SH3RF1: variants seen among roughly 807,000 people sequenced by gnomAD.
The protein encoded by SH3RF1 is E3 ubiquitin-protein ligase SH3RF1.
SH3RF1 carries 32 observed loss-of-function variants against 74.0 expected under a neutral mutation model. That is an observed-to-expected ratio of 0.43 (90% CI 0.33 to 0.58). The LOEUF (loss-of-function observed/expected upper bound fraction) is 0.58, where lower values mean the gene tolerates loss of function less well. Among genes scored for constraint, SH3RF1 ranks in the 20% least tolerant of loss-of-function variants. The probability of loss-of-function intolerance (pLI) is 0.05; values close to 1 mark genes in which losing one functional copy is unlikely to be tolerated. For synonymous variants in SH3RF1, 396 were observed against 439.6 expected, an observed-to-expected ratio of 0.90 and a Z score of 1.24; for missense variants, 954 against 1,130.9, an observed-to-expected ratio of 0.84 and a Z score of 2.24.
intron 2 of SH3RF1, among the ~76,000 whole-genome samples, chr4:169,185,899 G>T (rs1205939036): frequency 2.0e-5 from 3 of 152,126 alleles, no homozygotes; most frequent in South Asian, 2.1e-4. Flanking sequence ...GGGGAGGCAG[G>T]ATTCCAAGAC....
chr4:169,205,562 G>A (rs942747061), intron 2 of SH3RF1, among the ~76,000 whole-genome samples: 1 of 152,152 alleles, frequency 6.6e-6, no homozygotes, highest in African/African-American at 2.4e-5. Context: ...GCAGCACTGA[G>A]CATATCCTTC....
chr4:169,097,928 T>C (rs1451908021), intron 11 of SH3RF1, among the ~76,000 whole-genome samples: 1 of 152,198 alleles, frequency 6.6e-6, no homozygotes, highest in Non-Finnish European at 1.5e-5. Flanking sequence ...AGGAAACACA[T>C]GGTAAGGCAC....
chr4:169,112,197 G>A (rs1413978183), intron 10 of SH3RF1, among the ~76,000 whole-genome samples: 6 of 152,044 alleles, frequency 3.9e-5, no homozygotes, highest in Admixed American at 3.9e-4. Context: ...TAATGAGGGC[G>A]TTATCAAATA....
At chr4:169,169,971 C>T (rs1422712418) in intron 2 of SH3RF1, among the ~76,000 whole-genome samples, 6 of 151,814 alleles carry the variant, frequency 4.0e-5, no homozygotes, top group South Asian at 2.1e-4. Context: ...CTCCATTATT[C>T]GACTGTGCAA....
In SH3RF1 at chr4:169,268,231, C is replaced by A. The variant is rs186954950; in HGVS notation, c.393+589G>T. ...ATTCACTATAAAGCCCAACATAAAG[C>A]TAGATGTTTTAGTGTAGTCCTAAGT... is the stretch of plus-strand genomic sequence containing the variant. On this transcript the variant is annotated intron_variant, in intron 2 of 11. Transcript: ENST00000284637. Among the ~76,000 whole-genome samples the A allele has an allele frequency of 2.3e-4, 35 of 152,240 alleles. 1 individual carries two copies. Among genetic ancestry groups the A allele is most frequent in the Admixed American group, 2.1e-3 (32 of 15,302 alleles).
In SH3RF1 at chr4:169,096,357, T is replaced by C. The variant is rs2706747; in HGVS notation, c.*162A>G. ...AAAACCCACACAAACATCTTCTTCA[T>C]TCTGCTCGCTGGGGTAACTGTGCTG... On this transcript the variant is annotated 3_prime_UTR_variant, in exon 12 of 12. Transcript: ENST00000284637. 676,079 of 686,802 alleles carry C rather than the reference T, an allele frequency of 0.98. 333,508 individuals are homozygous for C. The highest frequency in any genetic ancestry group is 1 in the East Asian group (37,010 of 37,010). The allele number at this position is 686,802 out of a possible 1,614,324, so 42.5% of individuals were successfully genotyped here. A position where few individuals can be genotyped will look rare whatever the true frequency, so the allele number is the denominator to read the frequency against.
At chr4:169,151,397 G>A (rs1301403854) in intron 4 of SH3RF1, among the ~76,000 whole-genome samples, 1 of 152,158 alleles carries the variant, frequency 6.6e-6, no homozygotes, top group East Asian at 1.9e-4. Flanking sequence ...AGTATCACTG[G>A]AACTTATTAT....
At chr4:169,207,795 A>G (rs1469039958) in intron 2 of SH3RF1, among the ~76,000 whole-genome samples, 1 of 152,196 alleles carries the variant, frequency 6.6e-6, no homozygotes, top group African/African-American at 2.4e-5. Flanking sequence ...CTACTATGTC[A>G]AAAGCCAAGA....
intron 4 of SH3RF1, among the ~76,000 whole-genome samples, chr4:169,149,776 GCTAT>G (rs1733947732): frequency 1.3e-5 from 2 of 152,208 alleles, no homozygotes; most frequent in South Asian, 4.1e-4. Context: ...TATAAATGAT[GCTAT>G]CTTTTTATAT....
At chr4:169,214,609 TGTA>T (rs1445148688) in intron 2 of SH3RF1, among the ~76,000 whole-genome samples, 1 of 152,252 alleles carries the variant, frequency 6.6e-6, no homozygotes, top group East Asian at 1.9e-4. Context: ...ATCGGATTTT[TGTA>T]GTTTTCCTTG....
At chr4:169,203,488 T>C (rs1341145898) in intron 2 of SH3RF1, among the ~76,000 whole-genome samples, 2 of 151,270 alleles carry the variant, frequency 1.3e-5, no homozygotes, top group Non-Finnish European at 2.9e-5. Flanking sequence ...GAGGCAGAGG[T>C]TGCAGTGAGC....
At chr4:169,106,550 C>T (rs750115352) in intron 11 of SH3RF1, among the ~76,000 whole-genome samples, 15 of 151,360 alleles carry the variant, frequency 9.9e-5, no homozygotes, top group Non-Finnish European at 1.9e-4. Flanking sequence ...GAAGTAAATC[C>T]ATGAACAGTT....
At chr4:169,194,020 G>A (rs2706740) in intron 2 of SH3RF1, among the ~76,000 whole-genome samples, 71,295 of 151,880 alleles carry the variant, frequency 0.47, 18,001 homozygotes, top group East Asian at 0.78. Flanking sequence ...GTAAAAAGGG[G>A]CTAGCCTACT....
At chr4:169,254,303 C>T (rs998125355) in intron 2 of SH3RF1, among the ~76,000 whole-genome samples, 20 of 152,140 alleles carry the variant, frequency 1.3e-4, no homozygotes, top group Non-Finnish European at 2.9e-4. Flanking sequence ...AAAAGAGCTC[C>T]TGATCTCAAG....
intron 2 of SH3RF1, among the ~76,000 whole-genome samples, chr4:169,224,125 C>T (rs1191641898): frequency 2.0e-5 from 3 of 152,156 alleles, no homozygotes; most frequent in Non-Finnish European, 2.9e-5. Flanking sequence ...TTAGAAGCTC[C>T]ACTAATTTCT....
rs1353776063 is a variant in SH3RF1, at chr4:169,116,419, T to G, written c.1989A>C (p.Pro663=). The change falls in exon 10 of 12, where the codon CCA becomes CCC. Residue 663 remains proline, a synonymous_variant. Transcript: ENST00000284637. ...CACTGGTGATGCTTGGGGAAGTCAG[T>G]GGAGCAGCTGCTGCACAGGCCAGAG... ...SAPLACAAAA[P]LTSPSITSAS... is the part of the protein sequence containing the mutation. 6.2e-7 allele frequency: 1 copy of G among 1,614,094 alleles called. No individual in the cohort carries two copies. The highest frequency in any genetic ancestry group is 1.7e-5 in the Admixed American group (1 of 60,016).
At chr4:169,127,043 C>T (rs1561030808) in intron 6 of SH3RF1, among the ~76,000 whole-genome samples, 1 of 152,210 alleles carries the variant, frequency 6.6e-6, no homozygotes, top group East Asian at 1.9e-4. Context: ...TTTTAAAAGG[C>T]CTTCTGCCAT....
Position 169,107,019 on chromosome 4 carries a change from C to G in SH3RF1, c.2326G>C (p.Asp776His). 1 of 1,613,934 alleles carries G rather than the reference C, an allele frequency of 6.2e-7. No individual in the cohort carries two copies. Among genetic ancestry groups the G allele is most frequent in the South Asian group, 1.1e-5 (1 of 91,076 alleles). Reference sequence around the variant, plus strand: ...GCAGTCGTGACCGGTCCGTCCCCGTCCACAGGGCAGGAGCCTGCCCTGCCA... The same window carrying G: ...GCAGTCGTGACCGGTCCGTCCCCGTGCACAGGGCAGGAGCCTGCCCTGCCA... ...GHGRAGSCPV[D>H]GDGPVTTAVA... is the part of the protein sequence containing the mutation. Residue 776 changes from aspartate (D) to histidine (H), a missense_variant, in exon 11 of 12, where the codon GAC becomes CAC. By Grantham distance (81) the Asp-to-His change is moderately conservative. Around this residue, in one of 3 missense-constraint regions of SH3RF1, gnomAD observed 854 missense variants for 962.5 expected, o/e 0.89. Coordinates refer to ENST00000284637, the MANE Select transcript of SH3RF1 (RefSeq NM_020870.4).
chr4:169,230,440 G>T, intron 2 of SH3RF1, among the ~76,000 whole-genome samples: 1 of 151,940 alleles, frequency 6.6e-6, no homozygotes, highest in East Asian at 1.9e-4. Flanking sequence ...AAGGAATTAA[G>T]GTTAATTCTA....
Sources: gnomAD v4.1 joint callset for allele counts (sites outside exome capture counted in the v4.1 genomes callset) on GRCh38, gnomAD v4.1.1 for gene constraint, gnomAD v4.1.1 regional missense constraint, MANE v1.5 for transcripts, NCBI Gene and HGNC (gene_info 2026-07-23, HGNC 2026-07-21) for gene names.